The following RCC1L variants were observed in gnomAD, a reference collection of about 807,000 sequenced individuals.
RCC1L encodes the protein RCC1-like G exchanging factor-like protein.
A neutral mutation model predicts 58.6 loss-of-function variants in RCC1L; 46 were observed. The observed-to-expected ratio is 0.79, with a 90% CI of 0.62 to 1.00. The LOEUF (loss-of-function observed/expected upper bound fraction) is 1.00. RCC1L is among the 50% of genes least tolerant of loss of function. RCC1L has a pLI of 0.00. For synonymous variants in RCC1L, 281 were observed against 262.9 expected, an observed-to-expected ratio of 1.07 and a Z score of -0.67; for missense variants, 636 against 623.6, an observed-to-expected ratio of 1.02 and a Z score of -0.21.
At chr7:75,070,569 CA>C (rs1189194827) in intron 2 of RCC1L, 70 bp downstream of exon 2, 179 of 1,567,652 alleles carry the variant, frequency 1.1e-4, no homozygotes, top group South Asian at 2.4e-4. Flanking sequence ...GACTCTGTCT[CA>C]AAAAAAATAC....
intron 10 of RCC1L, among the ~76,000 whole-genome samples, chr7:75,033,094 A>AG (rs1805351239): frequency 1.4e-5 from 2 of 146,376 alleles, no homozygotes; most frequent in South Asian, 4.4e-4. Context: ...AAAAAAAAAA[A>AG]GATAATTCCA....
intron 10 of RCC1L, among the ~76,000 whole-genome samples, chr7:75,035,329 C>A (rs1049705906): frequency 5.9e-4 from 90 of 152,218 alleles, no homozygotes; most frequent in Non-Finnish European, 3.4e-4. Context: ...CCGCGCCCGG[C>A]CTGGGTCCCT....
chr7:75,072,173 T>G (rs1459425518), intron 1 of RCC1L, among the ~76,000 whole-genome samples: 1 of 88,632 alleles, frequency 1.1e-5, no homozygotes, highest in Non-Finnish European at 2.3e-5. Context: ...TATATATATA[T>G]ATATATATAT....
intron 9 of RCC1L, chr7:75,055,609 C>A (rs1806049887): frequency 9.2e-6 from 4 of 436,102 alleles, no homozygotes; most frequent in South Asian, 8.6e-5. Context: ...ACCCGACGTA[C>A]TAGCAATGCC....
At chr7:75,027,802 G>A in exon 11 of RCC1L, 1 of 598,728 alleles carries the variant, frequency 1.7e-6, no homozygotes, top group Non-Finnish European at 3.0e-6. Context: ...CGTTCTGTGT[G>A]TAGCGTAGTC....
downstream of RCC1L, among the ~76,000 whole-genome samples, chr7:75,037,869 GA>G (rs1228658784): frequency 2.0e-5 from 3 of 152,206 alleles, no homozygotes; most frequent in African/African-American, 7.2e-5. Flanking sequence ...CCAAATCCAA[GA>G]AAAGCACAGC....
intron 10 of RCC1L, among the ~76,000 whole-genome samples, chr7:75,052,078 T>C (rs1328000562): frequency 6.6e-6 from 1 of 152,194 alleles, no homozygotes; most frequent in Non-Finnish European, 1.5e-5. Flanking sequence ...AGAATGAGCG[T>C]CTCTTCCCCT....
chr7:75,048,677 G>T (rs1425179874), intron 10 of RCC1L, among the ~76,000 whole-genome samples: 1 of 152,256 alleles, frequency 6.6e-6, no homozygotes, highest in East Asian at 1.9e-4. Flanking sequence ...GGGATGAGGG[G>T]TGAAGGCCAC....
chr7:75,039,344 A>G (rs1050159473), downstream of RCC1L, among the ~76,000 whole-genome samples: 2 of 152,370 alleles, frequency 1.3e-5, no homozygotes, highest in East Asian at 1.9e-4. Context: ...TTAGGGCATT[A>G]TTTGTCAGGA....
intron 10 of RCC1L, among the ~76,000 whole-genome samples, chr7:75,044,971 G>A (rs1366769219): frequency 3.3e-5 from 5 of 152,138 alleles, no homozygotes; most frequent in Admixed American, 3.3e-4. Context: ...GCAGTGAGCC[G>A]AGATCACGCC....
intron 1 of RCC1L, among the ~76,000 whole-genome samples, chr7:75,071,029 T>C (rs1437052191): frequency 1.3e-5 from 2 of 152,098 alleles, no homozygotes; most frequent in Admixed American, 1.3e-4. Flanking sequence ...CTAACTTCTG[T>C]ATTTTTAGTA....
chr7:75,064,230 T>C (rs1806376049), intron 4 of RCC1L, among the ~76,000 whole-genome samples: 1 of 151,024 alleles, frequency 6.6e-6, no homozygotes, highest in Admixed American at 6.6e-5. Flanking sequence ...CTCAGGAGGC[T>C]GAGGCAGGAG....
intron 8 of RCC1L, among the ~76,000 whole-genome samples, 156 bp from the exon 9 acceptor site, chr7:75,056,230 T>C (rs587669434): frequency 2.0e-5 from 3 of 152,054 alleles, no homozygotes; most frequent in East Asian, 1.9e-4. Context: ...GGCAAGAACA[T>C]GCAGACAGAG....
intron 10 of RCC1L, among the ~76,000 whole-genome samples, chr7:75,046,070 C>T (rs962786663): frequency 2.0e-5 from 3 of 152,230 alleles, no homozygotes; most frequent in Admixed American, 1.3e-4. Context: ...CGGCAGGCGC[C>T]GACCCCGGAG....
downstream of RCC1L, among the ~76,000 whole-genome samples, chr7:75,040,438 C>A (rs988731848): frequency 2.6e-5 from 4 of 152,220 alleles, no homozygotes; most frequent in Non-Finnish European, 5.9e-5. Flanking sequence ...CCAGCCTGGG[C>A]AACAGAGAGA....
At chr7:75,032,237 G>A (rs1285836021) in intron 10 of RCC1L, among the ~76,000 whole-genome samples, 4 of 152,092 alleles carry the variant, frequency 2.6e-5, no homozygotes, top group Admixed American at 1.3e-4. Flanking sequence ...ACGGTGGGGG[G>A]AAGGAGTTGG....
chr7:75,055,902 G>A lies in RCC1L; in HGVS notation c.1230C>T (p.Thr410=). The A allele has an allele frequency of 6.2e-7, 1 of 1,613,938 alleles. No homozygotes were observed. Among genetic ancestry groups the A allele is most frequent in the Non-Finnish European group, 8.5e-7 (1 of 1,179,872 alleles). ...GGGCCACCGGGCTTGGTAACTTACT[G>A]GTCAGTGCAGCAAAGTGGCTGAGTC... The part of the protein sequence containing the change: ...RCGLSHFAAL[T]NKGELFVWGK... Residue 410 remains threonine, a splice_region_variant and synonymous_variant, in exon 9 of 11, where the codon ACC becomes ACT. Coordinates refer to ENST00000610322, the MANE Select transcript of RCC1L (RefSeq NM_030798.5).
chr7:75,056,351 C>T (rs1293372312), intron 8 of RCC1L, among the ~76,000 whole-genome samples: 1 of 152,132 alleles, frequency 6.6e-6, no homozygotes, highest in Non-Finnish European at 1.5e-5. Flanking sequence ...GGTTAGTAAC[C>T]TGGAAGGGAC....
At chr7:75,044,638 C>T (rs1356484883) in intron 10 of RCC1L, among the ~76,000 whole-genome samples, 3 of 147,196 alleles carry the variant, frequency 2.0e-5, no homozygotes, top group African/African-American at 5.0e-5. Context: ...TTCATTACCA[C>T]ACCTATCACC....
Sources: gnomAD v4.1 joint callset for allele counts (sites outside exome capture counted in the v4.1 genomes callset) on GRCh38, gnomAD v4.1.1 for gene constraint, MANE v1.5 for transcripts, NCBI Gene and HGNC (gene_info 2026-07-23, HGNC 2026-07-21) for gene names.